INTU: variants seen among roughly 807,000 people sequenced by gnomAD.
INTU encodes the protein protein inturned.
INTU carries 68 observed loss-of-function variants against 100.5 expected under a neutral mutation model. That is an observed-to-expected ratio of 0.68 (90% CI 0.56 to 0.83). INTU has a LOEUF of 0.83. INTU is among the 40% of genes least tolerant of loss of function. INTU has a pLI of 0.00. For synonymous variants in INTU, 357 were observed against 395.7 expected (o/e 0.90, Z 1.16); for missense variants, 1,071 against 1,114.7 (o/e 0.96, Z 0.56).
intron 7 of INTU, among the ~76,000 whole-genome samples, chr4:127,684,714 T>A (rs1729738320): frequency 6.6e-6 from 1 of 151,928 alleles, no homozygotes; most frequent in East Asian, 1.9e-4. Context: ...TTTTTCTCCT[T>A]CCTCTTCTTA....
intron 1 of INTU, among the ~76,000 whole-genome samples, chr4:127,639,928 G>A (rs919101755): frequency 6.6e-6 from 1 of 152,030 alleles, no homozygotes; most frequent in Non-Finnish European, 1.5e-5. Flanking sequence ...ACTTAACTCG[G>A]AACTATTCCT....
At chr4:127,642,945 G>A (rs1279599845) in intron 1 of INTU, among the ~76,000 whole-genome samples, 1 of 151,826 alleles carries the variant, frequency 6.6e-6, no homozygotes, top group East Asian at 1.9e-4. Context: ...TTATAAATGG[G>A]TTGTTTTCAG....
Position 127,644,816 on chromosome 4 carries a change from G to A in INTU, c.682+760G>A, listed in dbSNP as rs116590727. 5.8e-3 allele frequency among the ~76,000 whole-genome samples: 882 copies of A among 152,292 alleles called. 10 individuals are homozygous for A. Among genetic ancestry groups the A allele is most frequent in the Middle Eastern group, 0.024 (7 of 294 alleles). On this transcript the variant is annotated intron_variant, in intron 2 of 15. Coordinates refer to ENST00000335251, the MANE Select transcript of INTU (RefSeq NM_015693.4). The stretch of plus-strand genomic sequence containing the variant: ...GCTGACAGTCTTTTAAGTTTATCTA[G>A]CATAAGAGGTTTAAATGAAGAACAT...
chr4:127,637,787 T>C (rs1428067906), intron 1 of INTU, among the ~76,000 whole-genome samples: 2 of 152,216 alleles, frequency 1.3e-5, no homozygotes, highest in Non-Finnish European at 2.9e-5. Flanking sequence ...AATTTAGTGA[T>C]GCATAGGAAT....
chr4:127,644,514 T>C (rs1454839357), intron 2 of INTU, among the ~76,000 whole-genome samples: 9 of 152,232 alleles, frequency 5.9e-5, no homozygotes, highest in Non-Finnish European at 1.3e-4. Context: ...ACTGTTTCAT[T>C]TGGCATATTT....
intron 1 of INTU, among the ~76,000 whole-genome samples, chr4:127,640,254 A>C (rs2126174374): frequency 6.6e-6 from 1 of 152,146 alleles, no homozygotes; most frequent in Non-Finnish European, 1.5e-5. Context: ...TAAAGCAATC[A>C]GTCAATCTTA....
At chr4:127,643,291 C>G (rs1040789303) in intron 1 of INTU, among the ~76,000 whole-genome samples, 1 of 151,814 alleles carries the variant, frequency 6.6e-6, no homozygotes. Context: ...TTTTTGATTC[C>G]TTCTCCCCCA....
intron 1 of INTU, among the ~76,000 whole-genome samples, chr4:127,643,228 T>A (rs748086999): frequency 3.9e-5 from 6 of 152,186 alleles, no homozygotes; most frequent in Non-Finnish European, 5.9e-5. Flanking sequence ...ACTCATAGAT[T>A]CTATAAGGGG....
chr4:127,692,408 A>G (rs1272353467), intron 8 of INTU, among the ~76,000 whole-genome samples: 1 of 152,090 alleles, frequency 6.6e-6, no homozygotes, highest in Non-Finnish European at 1.5e-5. Context: ...TTGTCCGTTC[A>G]TCTCCTTAGC....
rs1438581964 is a variant in INTU, at chr4:127,718,590, A to G, written c.*2154A>G. 6.6e-6 allele frequency: 1 copy of G among 152,192 alleles called. No homozygotes were observed. Among genetic ancestry groups the G allele is most frequent in the Non-Finnish European group, 1.5e-5 (1 of 68,052 alleles). 9.4% of individuals were successfully genotyped at this position (152,192 alleles called of 1,614,324 possible). On this transcript the variant is annotated 3_prime_UTR_variant, in exon 16 of 16. Coordinates refer to ENST00000335251, the MANE Select transcript of INTU (RefSeq NM_015693.4). ...TACTTTGGGCAGTATGGCTATTTTC[A>G]TGATATTGATTCTTACTGTCTGTGA...
chr4:127,653,176 C>T lies in INTU; in HGVS notation c.683-3460C>T, dbSNP rs1578545679. 4.9e-5 allele frequency among the ~76,000 whole-genome samples: 7 copies of T among 143,974 alleles called. No homozygotes were observed. In the South Asian group the frequency reaches 1.7e-3, roughly 34 times the overall value. 94.5% of individuals were successfully genotyped at this position (143,974 alleles called of 152,430 possible). On this transcript the variant is annotated intron_variant, in intron 2 of 15. Coordinates refer to ENST00000335251, the MANE Select transcript of INTU (RefSeq NM_015693.4). ...GTTGATCCTTTCAAAAAACCAGCTC[C>T]TGGATTCATTAATTTTTTGAAGGGT...
In INTU at chr4:127,722,256, GTC is replaced by G. The variant is rs1285966110; in HGVS notation, c.*5825_*5826del. Reference sequence around the variant, plus strand: ...TCCACTCTAGACCCTATTCGCCTGGGTCTCTCGTCTTCCAGGAGATATCACCA... The same window carrying G: ...TCCACTCTAGACCCTATTCGCCTGGGTCTCGTCTTCCAGGAGATATCACCA... On this transcript the variant is annotated 3_prime_UTR_variant, in exon 16 of 16. Transcript: ENST00000335251. 1.3e-5 allele frequency: 2 copies of G among 152,394 alleles called. No individual in the cohort carries two copies. The highest frequency in any genetic ancestry group is 3.9e-4 in the East Asian group (2 of 5,180). 9.4% of individuals were successfully genotyped at this position (152,394 alleles called of 1,614,324 possible).
chr4:127,702,578 A>G (rs952077639), intron 9 of INTU, among the ~76,000 whole-genome samples: 1 of 152,172 alleles, frequency 6.6e-6, no homozygotes, highest in South Asian at 2.1e-4. Flanking sequence ...TGGCACTTAC[A>G]TAGCTATATG....
chr4:127,644,144 T>C (rs1253876929), intron 2 of INTU, 88 bp downstream of exon 2: 2 of 1,326,336 alleles, frequency 1.5e-6, no homozygotes, highest in East Asian at 2.3e-5. Flanking sequence ...AAAACAATTA[T>C]ATACAGTCTC....
chr4:127,658,464 G>C (rs1381169157), intron 3 of INTU, among the ~76,000 whole-genome samples: 1 of 152,064 alleles, frequency 6.6e-6, no homozygotes, highest in Non-Finnish European at 1.5e-5. Context: ...GGTACTTCAG[G>C]GTGCTCAGAC....
At chr4:127,700,208 T>C (rs1370696177) in intron 9 of INTU, 145 bp downstream of exon 9, 2 of 636,740 alleles carry the variant, frequency 3.1e-6, no homozygotes, top group Non-Finnish European at 5.2e-6. Flanking sequence ...AAATCTATTT[T>C]GCTTGCCTTA....
At chr4:127,638,139 A>T (rs576233857) in intron 1 of INTU, among the ~76,000 whole-genome samples, 1 of 152,200 alleles carries the variant, frequency 6.6e-6, no homozygotes, top group Non-Finnish European at 1.5e-5. Flanking sequence ...AAAAGAAAAC[A>T]CAGAAAAGCA....
chr4:127,689,129 C>A (rs996190633), intron 8 of INTU, among the ~76,000 whole-genome samples: 1 of 151,478 alleles, frequency 6.6e-6, no homozygotes, highest in Non-Finnish European at 1.5e-5. Flanking sequence ...ACTACACATG[C>A]ACACCACCAT....
Position 127,725,925 on chromosome 4 carries a change from A to G in INTU, c.*9489A>G, listed in dbSNP as rs539434440. ...CAGACAATAAAGTGCCTGTTACTTT[A>G]TTAAATAAAGGGGGACAGGATGACA... is the stretch of plus-strand genomic sequence containing the variant. On this transcript the variant is annotated 3_prime_UTR_variant, in exon 16 of 16. Transcript: ENST00000335251. The G allele has an allele frequency of 6.6e-6, 1 of 152,324 alleles. No homozygotes were observed. The highest frequency in any genetic ancestry group is 2.1e-4 in the South Asian group (1 of 4,830). 9.4% of individuals were successfully genotyped at this position (152,324 alleles called of 1,614,324 possible). A position where few individuals can be genotyped will look rare whatever the true frequency, so the allele number is the denominator to read the frequency against.
Sources: allele counts gnomAD v4.1 joint callset (sites outside exome capture counted in the v4.1 genomes callset), GRCh38; gene constraint gnomAD v4.1.1; transcripts MANE v1.5; gene names NCBI Gene and HGNC (gene_info 2026-07-23, HGNC 2026-07-21).